Variants in LRRC4C observed in about 807,000 individuals in gnomAD.
LRRC4C encodes leucine rich repeat containing 4C.
A neutral mutation model predicts 33.6 loss-of-function variants in LRRC4C; 5 were observed. The observed-to-expected ratio is 0.15, with a 90% CI of 0.08 to 0.31. The LOEUF is 0.31. LRRC4C is among the 10% of genes least tolerant of loss of function. The pLI, the probability that LRRC4C is intolerant of heterozygous loss-of-function variation, is 1.00. For synonymous variants in LRRC4C, 329 were observed against 302.0 expected (o/e 1.09, Z -0.93); for missense variants, 560 against 796.7 (o/e 0.70, Z 3.58).
intron 2 of LRRC4C, among the ~76,000 whole-genome samples, chr11:40,716,552 A>T (rs1358629182): frequency 6.6e-6 from 1 of 152,118 alleles, no homozygotes; most frequent in Non-Finnish European, 1.5e-5. Flanking sequence ...GGGAAGTTGG[A>T]GGTATGTCAA....
At chr11:40,855,521 G>C (rs1032634956) in intron 2 of LRRC4C, among the ~76,000 whole-genome samples, 1 of 152,122 alleles carries the variant, frequency 6.6e-6, no homozygotes, top group Admixed American at 6.6e-5. Context: ...TCTGGGATGT[G>C]TGTTTTTGGA....
intron 1 of LRRC4C, among the ~76,000 whole-genome samples, chr11:41,249,583 C>T (rs779330759): frequency 6.6e-6 from 1 of 152,140 alleles, no homozygotes; most frequent in Non-Finnish European, 1.5e-5. Flanking sequence ...CCCCAGCTTA[C>T]ACATCAGGTT....
At chr11:40,175,491 T>C (rs1199886010) in intron 5 of LRRC4C, among the ~76,000 whole-genome samples, 3 of 152,048 alleles carry the variant, frequency 2.0e-5, no homozygotes, top group Non-Finnish European at 2.9e-5. Flanking sequence ...AAATTCAAGA[T>C]CAGAACCTCA....
chr11:40,292,417 T>G (rs942827804), intron 4 of LRRC4C: 1 of 152,220 alleles, frequency 6.6e-6, no homozygotes, highest in African/African-American at 2.4e-5. Flanking sequence ...TCTGCCGCGG[T>G]CAACTTTTCT....
chr11:40,737,655 A>G, intron 2 of LRRC4C, among the ~76,000 whole-genome samples: 1 of 152,166 alleles, frequency 6.6e-6, no homozygotes, highest in East Asian at 1.9e-4. Flanking sequence ...TAGGAATACA[A>G]CTTACAAGGG....
rs141703629 is a variant in LRRC4C, at chr11:41,009,568, G to GA, written c.-495-75846dup. On this transcript the variant is annotated intron_variant, in intron 1 of 6. Transcript: ENST00000528697. Reference sequence around the variant, plus strand: ...CTCATGTATAAATTGACAAATTCAAGAAAAAAAAATCAGAGAATCTGGGTG... The same window carrying GA: ...CTCATGTATAAATTGACAAATTCAAGAAAAAAAAAATCAGAGAATCTGGGTG... 6.0e-5 allele frequency among the ~76,000 whole-genome samples: 9 copies of GA among 151,242 alleles called. No individual in the cohort carries two copies. The East Asian group carries it at 7.8e-4, about 13-fold the overall frequency.
intron 3 of LRRC4C, among the ~76,000 whole-genome samples, chr11:40,334,638 TA>T (rs1946515075): frequency 6.6e-6 from 1 of 152,146 alleles, no homozygotes; most frequent in Non-Finnish European, 1.5e-5. Flanking sequence ...AGTCACCAGA[TA>T]AATCTATAAT....
chr11:40,792,686 A>G (rs913577029), intron 2 of LRRC4C, among the ~76,000 whole-genome samples: 1 of 152,158 alleles, frequency 6.6e-6, no homozygotes, highest in Non-Finnish European at 1.5e-5. Context: ...ACACATGCAC[A>G]CGTATGTTTA....
chr11:41,263,549 T>C lies in LRRC4C; in HGVS notation c.-496+195882A>G, dbSNP rs747043694. 1.8e-4 allele frequency among the ~76,000 whole-genome samples: 28 copies of C among 152,290 alleles called. No homozygotes were observed. The Middle Eastern group carries it at 0.01, about 55-fold the overall frequency. On this transcript the variant is annotated intron_variant, in intron 1 of 6. Transcript: ENST00000528697. ...TGTATTTGTTAAGATAATTGTTTTC[T>C]GCTAGTGCCTGGAAACAAGTAAGGT...
At chr11:41,130,702 G>A (rs1196047846) in intron 1 of LRRC4C, among the ~76,000 whole-genome samples, 1 of 151,776 alleles carries the variant, frequency 6.6e-6, no homozygotes, top group East Asian at 1.9e-4. Flanking sequence ...GAAAGCTTAG[G>A]CCATTTTTTA....
intron 1 of LRRC4C, among the ~76,000 whole-genome samples, chr11:41,316,623 T>A (rs1950805486): frequency 6.6e-6 from 1 of 152,230 alleles, no homozygotes; most frequent in South Asian, 2.1e-4. Context: ...GGACTTCTTA[T>A]ATGTAGAGCT....
intron 1 of LRRC4C, among the ~76,000 whole-genome samples, chr11:41,059,753 T>C (rs1044050865): frequency 2.6e-5 from 4 of 152,060 alleles, no homozygotes; most frequent in African/African-American, 9.7e-5. Flanking sequence ...ATGCAGAATC[T>C]CTGGCTCATG....
chr11:40,246,854 A>G (rs7947223), intron 4 of LRRC4C, among the ~76,000 whole-genome samples: 16,276 of 152,180 alleles, frequency 0.11, 1,783 homozygotes, highest in African/African-American at 0.28. Flanking sequence ...TTCTTCTAGT[A>G]TTGATGCTCA....
chr11:40,943,166 C>T (rs1486726228), intron 1 of LRRC4C, among the ~76,000 whole-genome samples: 1 of 152,124 alleles, frequency 6.6e-6, no homozygotes, highest in East Asian at 1.9e-4. Context: ...TTAACTTACT[C>T]GTGGTGCAGA....
intron 1 of LRRC4C, among the ~76,000 whole-genome samples, chr11:41,153,512 A>G (rs546107797): frequency 6.6e-6 from 1 of 152,310 alleles, no homozygotes; most frequent in Admixed American, 6.5e-5. Flanking sequence ...TGTTGAATAT[A>G]TGAGGGTTTT....
At chr11:40,626,769 G>C (rs1248309123) in intron 3 of LRRC4C, among the ~76,000 whole-genome samples, 1 of 152,094 alleles carries the variant, frequency 6.6e-6, no homozygotes, top group African/African-American at 2.4e-5. Flanking sequence ...AAGTGATTTT[G>C]TTCAAATGAC....
chr11:40,543,588 C>T (rs1956806206), intron 3 of LRRC4C, among the ~76,000 whole-genome samples: 1 of 152,008 alleles, frequency 6.6e-6, no homozygotes, highest in African/African-American at 2.4e-5. Context: ...GAAAAGGCAG[C>T]TGGATGGCAA....
intron 3 of LRRC4C, among the ~76,000 whole-genome samples, chr11:40,587,273 GT>G (rs1316779732): frequency 6.9e-6 from 1 of 144,464 alleles, no homozygotes; most frequent in East Asian, 2.0e-4. Context: ...TTGGCTCTCT[GT>G]TTGTCTGTTG....
chr11:40,592,293 C>T (rs964345725), intron 3 of LRRC4C, among the ~76,000 whole-genome samples: 1 of 152,152 alleles, frequency 6.6e-6, no homozygotes, highest in African/African-American at 2.4e-5. Context: ...TTAACATGAC[C>T]CAGGGAAGGA....
Sources: gnomAD v4.1 joint callset for allele counts (sites outside exome capture counted in the v4.1 genomes callset) on GRCh38, gnomAD v4.1.1 for gene constraint, MANE v1.5 for transcripts, NCBI Gene and HGNC (gene_info 2026-07-23, HGNC 2026-07-21) for gene names.